Variants in LDLRAD4 observed in about 807,000 individuals in gnomAD.
LDLRAD4 encodes low density lipoprotein receptor class A domain containing 4, also known as low-density lipoprotein receptor class A domain-containing protein 4.
In LDLRAD4, 5 loss-of-function variants were observed where a neutral mutation model predicts 17.0. The observed-to-expected ratio is 0.29, with a 90% CI of 0.15 to 0.62. The LOEUF is 0.62. LDLRAD4 is among the 20% of genes least tolerant of loss of function. The pLI, the probability that LDLRAD4 is intolerant of heterozygous loss-of-function variation, is 0.84. For synonymous variants in LDLRAD4, 168 were observed against 171.8 expected, an observed-to-expected ratio of 0.98 and a Z score of 0.17; for missense variants, 340 against 424.7, an observed-to-expected ratio of 0.80 and a Z score of 1.75.
chr18:13,305,245 C>A (rs1458628276), intron 1 of LDLRAD4, among the ~76,000 whole-genome samples: 1 of 152,146 alleles, frequency 6.6e-6, no homozygotes, highest in Non-Finnish European at 1.5e-5. Flanking sequence ...CACACACTTA[C>A]ATATATACAT....
At chr18:13,302,038 T>C (rs2046636183) in intron 1 of LDLRAD4, among the ~76,000 whole-genome samples, 1 of 152,254 alleles carries the variant, frequency 6.6e-6, no homozygotes, top group Non-Finnish European at 1.5e-5. Context: ...GTTTAGAAGC[T>C]GAAGCATTTG....
At chr18:13,502,320 CT>C (rs2093626622) in intron 3 of LDLRAD4, among the ~76,000 whole-genome samples, 2 of 152,310 alleles carry the variant, frequency 1.3e-5, no homozygotes, top group South Asian at 4.1e-4. Context: ...TTCACCAGCT[CT>C]TGGGACTGTG....
intron 1 of LDLRAD4, chr18:13,240,492 A>G (rs1190156590): frequency 1.3e-5 from 2 of 152,242 alleles, no homozygotes. Flanking sequence ...AGGTGCTCCA[A>G]GACAGCGTCA....
intron 3 of LDLRAD4, among the ~76,000 whole-genome samples, chr18:13,517,076 C>G (rs2093878582): frequency 1.3e-5 from 2 of 152,212 alleles, no homozygotes; most frequent in South Asian, 4.1e-4. Context: ...GCCTTGAACT[C>G]CTGGACTCAA....
At chr18:13,404,222 C>T (rs1431033919) in intron 2 of LDLRAD4, among the ~76,000 whole-genome samples, 2 of 152,220 alleles carry the variant, frequency 1.3e-5, no homozygotes, top group East Asian at 1.9e-4. Flanking sequence ...TCGGGGGTGC[C>T]GTGGCACAGG....
intron 3 of LDLRAD4, among the ~76,000 whole-genome samples, chr18:13,496,082 G>A (rs2093464050): frequency 6.6e-6 from 1 of 152,210 alleles, no homozygotes; most frequent in Non-Finnish European, 1.5e-5. Flanking sequence ...AACAGGGAAG[G>A]TGAGTATGCA....
chr18:13,325,776 G>A (rs938341719), intron 1 of LDLRAD4, among the ~76,000 whole-genome samples: 15 of 150,500 alleles, frequency 1.0e-4, no homozygotes, highest in African/African-American at 3.7e-4. Flanking sequence ...TTTTTGAGAC[G>A]GAGTCTTGCT....
intron 1 of LDLRAD4, among the ~76,000 whole-genome samples, chr18:13,278,894 G>T (rs2045066083): frequency 6.6e-6 from 1 of 152,198 alleles, no homozygotes; most frequent in African/African-American, 2.4e-5. Flanking sequence ...GAAGCTCTTG[G>T]AGCATAACCC....
intron 2 of LDLRAD4, among the ~76,000 whole-genome samples, chr18:13,393,847 C>T (rs1026887198): frequency 6.6e-6 from 1 of 152,280 alleles, no homozygotes; most frequent in Non-Finnish European, 1.5e-5. Flanking sequence ...TGAGCCCACC[C>T]ATCAATCATT....
intron 2 of LDLRAD4, among the ~76,000 whole-genome samples, chr18:13,412,972 G>A (rs563593712): frequency 3.9e-5 from 6 of 152,312 alleles, no homozygotes; most frequent in African/African-American, 7.2e-5. Context: ...CTCCTGGTAC[G>A]TAGTAAGGGC....
intron 1 of LDLRAD4, among the ~76,000 whole-genome samples, chr18:13,380,106 A>G (rs1397081992): frequency 2.6e-5 from 4 of 152,210 alleles, no homozygotes; most frequent in Non-Finnish European, 4.4e-5. Context: ...TGGTGGCCAC[A>G]GTGGAGGTGT....
intron 2 of LDLRAD4, among the ~76,000 whole-genome samples, chr18:13,404,772 T>C (rs906930790): frequency 1.3e-5 from 2 of 150,718 alleles, no homozygotes; most frequent in Admixed American, 6.6e-5. Context: ...CTCTCCAGCC[T>C]GGGCGACTGA....
chr18:13,307,057 ACTT>A (rs1367210977), intron 1 of LDLRAD4, among the ~76,000 whole-genome samples: 1 of 152,206 alleles, frequency 6.6e-6, no homozygotes, highest in African/African-American at 2.4e-5. Context: ...ACTGCTTTTG[ACTT>A]CTTTTATGAC....
At chr18:13,635,274 C>T (rs1162749458) in intron 4 of LDLRAD4, among the ~76,000 whole-genome samples, 1 of 152,150 alleles carries the variant, frequency 6.6e-6, no homozygotes, top group African/African-American at 2.4e-5. Context: ...CAAACTGCCA[C>T]CTTCTCTTGT....
intron 1 of LDLRAD4, among the ~76,000 whole-genome samples, chr18:13,339,724 T>A (rs1199068621): frequency 1.3e-5 from 2 of 152,182 alleles, no homozygotes; most frequent in African/African-American, 4.8e-5. Context: ...TAAGAATTGA[T>A]CAGTCTAGAT....
At chr18:13,452,864 A>G (rs910136689) in intron 3 of LDLRAD4, among the ~76,000 whole-genome samples, 3 of 152,206 alleles carry the variant, frequency 2.0e-5, no homozygotes, top group African/African-American at 7.2e-5. Flanking sequence ...CAATGAGTCC[A>G]GCCTCAGCCT....
chr18:13,299,481 G>C (rs1265164389), intron 1 of LDLRAD4, among the ~76,000 whole-genome samples: 1 of 152,168 alleles, frequency 6.6e-6, no homozygotes, highest in African/African-American at 2.4e-5. Flanking sequence ...CCCTGAGTTT[G>C]AGACTAAAGC....
chr18:13,389,703 A>T (rs1169715738), intron 2 of LDLRAD4, among the ~76,000 whole-genome samples: 1 of 151,870 alleles, frequency 6.6e-6, no homozygotes, highest in Non-Finnish European at 1.5e-5. Context: ...GCTGCACCTG[A>T]TGGTGGTCCA....
intron 1 of LDLRAD4, among the ~76,000 whole-genome samples, chr18:13,251,862 C>T (rs1396222390): frequency 6.6e-6 from 1 of 152,106 alleles, no homozygotes; most frequent in Non-Finnish European, 1.5e-5. Context: ...ATTGTTTATC[C>T]CAAATGCAGA....
Sources: allele counts gnomAD v4.1 joint callset (sites outside exome capture counted in the v4.1 genomes callset), GRCh38; gene constraint gnomAD v4.1.1; transcripts MANE v1.5; gene names NCBI Gene and HGNC (gene_info 2026-07-23, HGNC 2026-07-21).